GRAP2: variants seen among roughly 807,000 people sequenced by gnomAD.
GRAP2 encodes GRB2 related adaptor protein 2.
GRAP2 carries 31 observed loss-of-function variants against 43.5 expected under a neutral mutation model. That is an observed-to-expected ratio of 0.71 (90% CI 0.54 to 0.96). The LOEUF is 0.96. Ranked by LOEUF, GRAP2 falls within the 40% of genes least tolerant of loss-of-function variation. The probability of loss-of-function intolerance (pLI) is 0.00; values close to 1 mark genes in which losing one functional copy is unlikely to be tolerated. For missense variants in GRAP2, 371 were observed against 424.4 expected, an observed-to-expected ratio of 0.87 and a Z score of 1.11; for synonymous variants, 156 against 164.8, an observed-to-expected ratio of 0.95 and a Z score of 0.41.
intron 1 of GRAP2, among the ~76,000 whole-genome samples, chr22:39,943,936 G>T (rs1453180101): frequency 6.6e-6 from 1 of 151,944 alleles, no homozygotes; most frequent in Non-Finnish European, 1.5e-5. Context: ...GGCCAGGATG[G>T]TCTCCATCTC....
chr22:39,955,752 G>A, intron 2 of GRAP2, 67 bp from the exon 3 acceptor site: 2 of 798,108 alleles, frequency 2.5e-6, no homozygotes, highest in East Asian at 2.5e-5. Context: ...TTGCCTGGCA[G>A]CCCCTTTCTC....
upstream of GRAP2, among the ~76,000 whole-genome samples, chr22:39,896,437 A>G (rs142636711): frequency 1.1e-4 from 16 of 152,314 alleles, no homozygotes; most frequent in East Asian, 2.7e-3. Flanking sequence ...GTTCACCAAG[A>G]TGAACATGAT....
intron 3 of GRAP2, among the ~76,000 whole-genome samples, chr22:39,957,899 G>A (rs2067074857): frequency 6.6e-6 from 1 of 151,800 alleles, no homozygotes; most frequent in Non-Finnish European, 1.5e-5. Context: ...TTATATCACT[G>A]CACTCCAGCC....
At chr22:39,964,341 A>G (rs1135963) in intron 4 of GRAP2, 1 of 703,298 alleles carries the variant, frequency 1.4e-6, no homozygotes, top group Non-Finnish European at 2.6e-6. Context: ...GTTATCGTCC[A>G]GTGGCAGGGT....
chr22:39,950,011 A>G (rs2066965289), intron 2 of GRAP2, among the ~76,000 whole-genome samples: 1 of 152,018 alleles, frequency 6.6e-6, no homozygotes, highest in African/African-American at 2.4e-5. Context: ...GCCCCAAACC[A>G]CTGTCCAGTG....
chr22:39,938,117 G>A (rs1417724212), intron 1 of GRAP2, among the ~76,000 whole-genome samples: 1 of 152,184 alleles, frequency 6.6e-6, no homozygotes, highest in Non-Finnish European at 1.5e-5. Flanking sequence ...GGAGGGGATA[G>A]GCCCTGCATG....
rs1452494810 is a variant in GRAP2 at position 39,901,173 on chromosome 22, C to T, written c.-172C>T. On this transcript the variant is annotated 5_prime_UTR_variant, in exon 1 of 8. Coordinates refer to ENST00000344138, the MANE Select transcript of GRAP2 (RefSeq NM_004810.4). ...GTTAATGGATCTGTAAACTTGCACC[C>T]TCTTTCAGAGTGGTACATGGAAGAC... 3 of 589,552 alleles carry T rather than the reference C, an allele frequency of 5.1e-6. No individual in the cohort carries two copies. Among genetic ancestry groups the T allele is most frequent in the South Asian group, 1.5e-5 (1 of 66,328 alleles). The allele number at this position is 589,552 out of a possible 1,614,324, so 36.5% of individuals were successfully genotyped here.
At chr22:39,906,481 C>T (rs1255947281) in intron 1 of GRAP2, among the ~76,000 whole-genome samples, 1 of 152,012 alleles carries the variant, frequency 6.6e-6, no homozygotes, top group African/African-American at 2.4e-5. Context: ...GAATCTTATC[C>T]ACTCCTTCAG....
intron 1 of GRAP2, among the ~76,000 whole-genome samples, chr22:39,937,852 G>A (rs1214855050): frequency 6.6e-6 from 1 of 152,070 alleles, no homozygotes; most frequent in Admixed American, 6.5e-5. Flanking sequence ...GCAGAGAGTG[G>A]CAAATTAGGG....
At chr22:39,894,948 C>T in the GRAP2 span, among the ~76,000 whole-genome samples, 1 of 152,188 alleles carries the variant, frequency 6.6e-6, no homozygotes, top group African/African-American at 2.4e-5. Context: ...AGGGAGTTCA[C>T]TGGATAGACA....
At chr22:39,902,084 C>A (rs948377765) in intron 1 of GRAP2, among the ~76,000 whole-genome samples, 1 of 152,166 alleles carries the variant, frequency 6.6e-6, no homozygotes, top group East Asian at 1.9e-4. Flanking sequence ...TGGAATTAGG[C>A]CTTCTTAATA....
At chr22:39,963,306 G>C (rs2067138045) in intron 4 of GRAP2, among the ~76,000 whole-genome samples, 1 of 152,112 alleles carries the variant, frequency 6.6e-6, no homozygotes, top group Non-Finnish European at 1.5e-5. Context: ...TTGAGACAAT[G>C]GTCAGGCCAT....
At chr22:39,916,959 T>TAG (rs1419032128) in intron 1 of GRAP2, among the ~76,000 whole-genome samples, 336 of 152,338 alleles carry the variant, frequency 2.2e-3, no homozygotes, top group African/African-American at 7.9e-3. Context: ...TATTATCTTT[T>TAG]AATTAAAATG....
At position 39,916,289 on chromosome 22, in the gene GRAP2, A is replaced by G. The variant is rs150682141; in HGVS notation, c.-15+14959A>G. On this transcript the variant is annotated intron_variant, in intron 1 of 7. Transcript: ENST00000344138. ...GGAAGTGAATGGAAGGAACAGCTCA[A>G]TTAGGATGGCAGAGGATCAAGGAGA... Among the ~76,000 whole-genome samples the G allele has an allele frequency of 4.6e-5, 7 of 152,380 alleles. No homozygotes were observed. In the East Asian group the frequency reaches 5.8e-4, roughly 13 times the overall value.
chr22:39,937,763 C>T (rs900216360), intron 1 of GRAP2, among the ~76,000 whole-genome samples: 1 of 152,126 alleles, frequency 6.6e-6, no homozygotes, highest in Non-Finnish European at 1.5e-5. Flanking sequence ...AAGTAAGCAG[C>T]AGAGCCTAGA....
chr22:39,906,700 AC>A (rs1318908941), intron 1 of GRAP2, among the ~76,000 whole-genome samples: 1 of 151,834 alleles, frequency 6.6e-6, no homozygotes, highest in African/African-American at 2.4e-5. Flanking sequence ...TTTTCTCCAC[AC>A]CCCCCAGCCT....
chr22:39,932,035 C>G (rs191423159), intron 1 of GRAP2, among the ~76,000 whole-genome samples: 1 of 152,252 alleles, frequency 6.6e-6, no homozygotes, highest in East Asian at 1.9e-4. Context: ...AGGCTTCATT[C>G]TAGAACCTTC....
intron 1 of GRAP2, among the ~76,000 whole-genome samples, chr22:39,910,048 GTCT>G (rs1004924020): frequency 1.3e-5 from 2 of 152,144 alleles, no homozygotes; most frequent in African/African-American, 2.4e-5. Context: ...GTCCCTCAAA[GTCT>G]TCTTTTTCAA....
At position 39,941,701 on chromosome 22, in the gene GRAP2, C is replaced by T. The variant is rs75581357; in HGVS notation, c.-14-5392C>T. 5.4e-3 allele frequency among the ~76,000 whole-genome samples: 830 copies of T among 152,316 alleles called. 3 individuals carry two copies. The highest frequency in any genetic ancestry group is 9.0e-3 in the Non-Finnish European group (615 of 68,024). On this transcript the variant is annotated intron_variant, in intron 1 of 7. Transcript: ENST00000344138. ...GCTATGCCCATTCATTTACCATCAT[C>T]TAAGGCCACCTTCCTGGCTACAAAA...
Sources: gnomAD v4.1 joint callset for allele counts (sites outside exome capture counted in the v4.1 genomes callset) on GRCh38, gnomAD v4.1.1 for gene constraint, MANE v1.5 for transcripts, NCBI Gene and HGNC (gene_info 2026-07-23, HGNC 2026-07-21) for gene names.